Variants in NBEAL2 observed in about 807,000 individuals in gnomAD.
The protein encoded by NBEAL2 is neurobeachin-like protein 2.
NBEAL2 carries 160 observed loss-of-function variants against 299.8 expected under a neutral mutation model. That is an observed-to-expected ratio of 0.53 (90% CI 0.47 to 0.61). NBEAL2 has a LOEUF of 0.61. NBEAL2 is among the 20% of genes least tolerant of loss of function. The pLI is 0.00. For missense variants in NBEAL2, 3,112 were observed against 3,649.0 expected (o/e 0.85, Z 3.79); for synonymous variants, 1,493 against 1,542.3 (o/e 0.97, Z 0.75).
At chr3:47,008,937 C>A in intron 52 of NBEAL2, 52 bp from the exon 53 acceptor site, 1 of 1,596,246 alleles carries the variant, frequency 6.3e-7, no homozygotes. Flanking sequence ...ATCTGCTGGT[C>A]GCAAAGCCCC....
In NBEAL2 at chr3:47,009,572, A is replaced by T; in HGVS notation, c.*252A>T. 1.9e-6 allele frequency: 1 copy of T among 536,218 alleles called. No individual in the cohort carries two copies. The highest frequency in any genetic ancestry group is 2.3e-5 in the South Asian group (1 of 43,994). 33.2% of individuals were successfully genotyped at this position (536,218 alleles called of 1,614,324 possible). ...CTGCGGCCGCAGCAGCACTTTTTGC[A>T]CAGTCTGGGGCGGGGTTCCCCGGCT... On this transcript the variant is annotated 3_prime_UTR_variant, in exon 54 of 54. Coordinates refer to ENST00000450053, the MANE Select transcript of NBEAL2 (RefSeq NM_015175.3).
chr3:46,996,035 G>A lies in NBEAL2; in HGVS notation c.2135G>A (p.Cys712Tyr). 1 of 1,608,560 alleles carries A rather than the reference G, an allele frequency of 6.2e-7. No homozygotes were observed. The highest frequency in any genetic ancestry group is 1.1e-5 in the South Asian group (1 of 90,174). ...GHLVKTAPLR[C>Y]PSLSEPFSSC... ...CTGGTCAAGACAGCACCCCTTCGCT[G>A]CCCCTCCCTCAGTGAGGTGTGCCAA... The change falls in exon 15 of 54, where the codon TGC becomes TAC. Residue 712 changes from cysteine (C) to tyrosine (Y), a missense_variant. By Grantham distance (194) the Cys-to-Tyr change is radical (BLOSUM62 -2). Transcript: ENST00000450053.
At chr3:46,984,263 G>A (rs913357651) in intron 1 of NBEAL2, among the ~76,000 whole-genome samples, 7 of 152,078 alleles carry the variant, frequency 4.6e-5, no homozygotes, top group Non-Finnish European at 7.3e-5. Context: ...TTGAGATCGC[G>A]CCACTGCACT....
At position 46,997,287 on chromosome 3, in the gene NBEAL2, G is replaced by C. The variant is rs991972079; in HGVS notation, c.2678G>C (p.Gly893Ala). ...KDVVNCVGGMGALLPLLERVA... is the reference protein window; with the variant it reads ...KDVVNCVGGMAALLPLLERVA... ...GTGGTGAACTGCGTTGGGGGTATGGGTGCCCTGCTGCCCCTGCTGGAGCGA... is the reference window on the plus strand; with the variant it reads ...GTGGTGAACTGCGTTGGGGGTATGGCTGCCCTGCTGCCCCTGCTGGAGCGA... The change falls in exon 19 of 54, where the codon GGT (glycine) becomes GCT (alanine). Residue 893 changes from glycine (G) to alanine (A), a missense_variant. Physicochemically the swap from Gly to Ala is moderately conservative, Grantham distance 60. Around this residue, in one of 3 missense-constraint regions of NBEAL2, gnomAD observed 2,243 missense variants for 2,538.1 expected, o/e 0.88. Transcript: ENST00000450053. 6.2e-7 allele frequency: 1 copy of C among 1,612,868 alleles called. No individual in the cohort carries two copies. Among genetic ancestry groups the C allele is most frequent in the East Asian group, 2.2e-5 (1 of 44,880 alleles).
At position 47,001,938 on chromosome 3, in the gene NBEAL2, G is replaced by A. The variant is rs1198419702; in HGVS notation, c.4801G>A (p.Val1601Met). The A allele has an allele frequency of 6.9e-6, 11 of 1,604,456 alleles. No individual in the cohort carries two copies. Among genetic ancestry groups the A allele is most frequent in the African/African-American group, 1.3e-5 (1 of 74,790 alleles). Residue 1601 changes from valine to methionine, a missense_variant, in exon 31 of 54, where the codon GTG becomes ATG. Coordinates refer to ENST00000450053, the MANE Select transcript of NBEAL2 (RefSeq NM_015175.3). This position sits in a 1 kb window ranked among gnomAD's most constrained non-coding sequence, Gnocchi z 6.1. Reference sequence around the variant, plus strand: ...CCCACAGCTGCATGCCCAGGCCTACGTGAGATTGCACATGCTGCTACAGAC... The same window carrying A: ...CCCACAGCTGCATGCCCAGGCCTACATGAGATTGCACATGCTGCTACAGAC... ...EDPQLHAQAY[V>M]RLHMLLQTAV...
intron 1 of NBEAL2, chr3:46,981,844 G>A (rs1342653055): frequency 6.6e-6 from 1 of 152,306 alleles, no homozygotes; most frequent in Non-Finnish European, 1.5e-5. Context: ...CCATCTAGCT[G>A]AGCTCTGTAC....
intron 10 of NBEAL2, 71 bp downstream of exon 10, chr3:46,992,626 C>A: frequency 1.4e-6 from 2 of 1,400,644 alleles, no homozygotes; most frequent in Non-Finnish European, 9.9e-7. Context: ...TGCACTATAG[C>A]TGGGGAAATG....
rs1290912962 is a variant in NBEAL2, at chr3:47,005,477, C to T, written c.6561-12C>T. ...CTCCCCACCTCACCTTGGCCCCGTG[C>T]CCCTCCCCCAGCTTTGACTGCTCCG... On this transcript the variant is annotated splice_polypyrimidine_tract_variant and intron_variant, in intron 40 of 53. Coordinates refer to ENST00000450053, the MANE Select transcript of NBEAL2 (RefSeq NM_015175.3). 1.2e-6 allele frequency: 2 copies of T among 1,609,388 alleles called. No individual in the cohort carries two copies. The highest frequency in any genetic ancestry group is 1.7e-6 in the Non-Finnish European group (2 of 1,177,994).
At chr3:46,996,178 A>C in intron 15 of NBEAL2, 93 bp from the exon 16 acceptor site, 1 of 1,564,112 alleles carries the variant, frequency 6.4e-7, no homozygotes, top group Non-Finnish European at 8.7e-7. Context: ...ACTGGGGTCC[A>C]TGCAGCCATG....
At chr3:47,007,948 C>G (rs965497600) in intron 49 of NBEAL2, 38 bp downstream of exon 49, 1 of 1,594,514 alleles carries the variant, frequency 6.3e-7, no homozygotes, top group African/African-American at 1.3e-5. Flanking sequence ...CCCCCGTAGC[C>G]CAGACCTGCA....
intron 26 of NBEAL2, 51 bp downstream of exon 26, chr3:46,999,766 C>T: frequency 6.3e-7 from 1 of 1,593,646 alleles, no homozygotes; most frequent in Non-Finnish European, 8.6e-7. Context: ...GGCTTCTACC[C>T]TCTGGCCTTC....
Position 46,996,385 on chromosome 3 carries a change from C to T in NBEAL2, c.2266C>T (p.Arg756Cys), listed in dbSNP as rs768551798. ...TLAYTHPALT[R>C]SQSVPASTGL... is the part of the protein sequence containing the mutation. The stretch of plus-strand genomic sequence containing the variant: ...GGCCTACACTCACCCCGCCCTCACC[C>T]GCTCCCAGTCAGTCCCAGCCTCCAC... Residue 756 changes from arginine to cysteine, a missense_variant, in exon 16 of 54, where the codon CGC becomes TGC. Physicochemically the swap from Arg to Cys is radical, Grantham distance 180. Transcript: ENST00000450053. 22 of 1,612,054 alleles carry T rather than the reference C, an allele frequency of 1.4e-5. No homozygotes were observed. The highest frequency in any genetic ancestry group is 1.7e-5 in the Admixed American group (1 of 59,926).
rs886058595 is a variant in NBEAL2, at chr3:46,996,599, A to G, written c.2473+7A>G. The G allele has an allele frequency of 3.3e-6, 5 of 1,523,110 alleles. No individual in the cohort carries two copies. Among genetic ancestry groups the G allele is most frequent in the Non-Finnish European group, 4.4e-6 (5 of 1,134,422 alleles). 94.3% of individuals were successfully genotyped at this position (1,523,110 alleles called of 1,614,324 possible). A position where few individuals can be genotyped will look rare whatever the true frequency, so the allele number is the denominator to read the frequency against. ...AGGACCCTGTGCACCCTGGGTATGC[A>G]GCATTCTCCATCTCTGCCACAGCCC... On this transcript the variant is annotated splice_region_variant and intron_variant, in intron 16 of 53. Transcript: ENST00000450053.
In NBEAL2 at chr3:47,001,861, G is replaced by A. The variant is rs1382907477; in HGVS notation, c.4782+35G>A. ...GGGTGAGCATGGGGGCAGGGGGCGT[G>A]TGAGATGTCGGGAGCTCCAAGAGTG... On this transcript the variant is annotated intron_variant, in intron 30 of 53. Transcript: ENST00000450053. The surrounding 1 kb of genome is among the most constrained non-coding windows in gnomAD (Gnocchi z 6.1). 6.2e-7 allele frequency: 1 copy of A among 1,610,702 alleles called. No homozygotes were observed. Among genetic ancestry groups the A allele is most frequent in the Non-Finnish European group, 8.5e-7 (1 of 1,177,624 alleles).
intron 1 of NBEAL2, among the ~76,000 whole-genome samples, chr3:46,984,267 C>G (rs1209154728): frequency 6.6e-6 from 1 of 152,128 alleles, no homozygotes; most frequent in South Asian, 2.1e-4. Context: ...GATCGCGCCA[C>G]TGCACTCCAG....
intron 16 of NBEAL2, 52 bp from the exon 17 acceptor site, chr3:46,996,699 G>A (rs191244267): frequency 6.1e-5 from 97 of 1,580,184 alleles, no homozygotes; most frequent in Admixed American, 1.4e-4. Flanking sequence ...GTCTCTGGAT[G>A]GGGTTTGGCC....
chr3:47,006,156 C>G lies in NBEAL2; in HGVS notation c.6920-9C>G. On this transcript the variant is annotated splice_polypyrimidine_tract_variant and intron_variant, in intron 43 of 53. Coordinates refer to ENST00000450053, the MANE Select transcript of NBEAL2 (RefSeq NM_015175.3). The stretch of plus-strand genomic sequence containing the variant: ...CAGGGAGCCCTGACTGCTCTGCCTG[C>G]CTTCCCAGGGGCTGTAGACCTGGAC... 6.2e-7 allele frequency: 1 copy of G among 1,613,738 alleles called. No homozygotes were observed. The highest frequency in any genetic ancestry group is 8.5e-7 in the Non-Finnish European group (1 of 1,179,842).
At chr3:46,990,530 A>G (rs2036007251) in intron 6 of NBEAL2, among the ~76,000 whole-genome samples, 1 of 152,042 alleles carries the variant, frequency 6.6e-6, no homozygotes, top group Non-Finnish European at 1.5e-5. Flanking sequence ...CTGCATTCTC[A>G]GGTCTCCCCT....
Position 46,991,178 on chromosome 3 carries a change from C to T in NBEAL2, c.557-41C>T, listed in dbSNP as rs1396791213. ...GCAGCCCCCTGGGTCCATAGCCCTGCAACCTTGGTGACATTACCCTGCCCA... is the reference window on the plus strand; with the variant it reads ...GCAGCCCCCTGGGTCCATAGCCCTGTAACCTTGGTGACATTACCCTGCCCA... On this transcript the variant is annotated intron_variant, in intron 6 of 53. Coordinates refer to ENST00000450053, the MANE Select transcript of NBEAL2 (RefSeq NM_015175.3). This position sits in a 1 kb window ranked among gnomAD's most constrained non-coding sequence, Gnocchi z 6.2. The T allele has an allele frequency of 4.5e-6, 7 of 1,540,896 alleles. No individual in the cohort carries two copies. The African/African-American group carries it at 9.6e-5, about 21-fold the overall frequency.
Sources: gnomAD v4.1 joint callset for allele counts (sites outside exome capture counted in the v4.1 genomes callset) on GRCh38, gnomAD v4.1.1 for gene constraint, gnomAD v4.1.1 regional missense constraint, Gnocchi (gnomAD v3.1) non-coding constraint, MANE v1.5 for transcripts, NCBI Gene and HGNC (gene_info 2026-07-23, HGNC 2026-07-21) for gene names.